Variants in SLC37A1 observed in about 807,000 individuals in gnomAD.
SLC37A1 encodes solute carrier family 37 member 1, also known as glucose-6-phosphate exchanger SLC37A1.
SLC37A1 carries 49 observed loss-of-function variants against 75.3 expected under a neutral mutation model. The ratio of observed to expected loss-of-function variants is 0.65; its 90% confidence interval spans 0.52 to 0.83. The LOEUF (loss-of-function observed/expected upper bound fraction) is 0.83. SLC37A1 is among the 40% of genes least tolerant of loss of function. The probability of loss-of-function intolerance (pLI) is 0.00; values close to 1 mark genes in which losing one functional copy is unlikely to be tolerated. For missense variants in SLC37A1, 566 were observed against 695.0 expected (o/e 0.81, Z 2.09); for synonymous variants, 268 against 292.1 (o/e 0.92, Z 0.84).
intron 2 of SLC37A1, among the ~76,000 whole-genome samples, chr21:42,507,554 A>C (rs1380802769): frequency 3.9e-5 from 6 of 152,220 alleles, no homozygotes; most frequent in African/African-American, 1.4e-4. Flanking sequence ...TTGGGTTGCT[A>C]TAAAGGAATC....
At chr21:42,521,692 G>A (rs1187632939) in intron 2 of SLC37A1, among the ~76,000 whole-genome samples, 1 of 152,238 alleles carries the variant, frequency 6.6e-6, no homozygotes, top group African/African-American at 2.4e-5. Context: ...TTTCATATTG[G>A]TGGAAGCCAA....
In SLC37A1 at chr21:42,524,533, G is replaced by A. The variant is rs1169109966; in HGVS notation, c.57-1243G>A. Among the ~76,000 whole-genome samples, 3 of 152,194 alleles carry A rather than the reference G, an allele frequency of 2.0e-5. No homozygotes were observed. The East Asian group carries it at 5.8e-4, about 29-fold the overall frequency. On this transcript the variant is annotated intron_variant, in intron 2 of 19. Transcript: ENST00000352133. ...AGGGCCGTGAAATATTTATATGTCT[G>A]CCTTGCTTGTGTGCTTCTGAAAAGT...
intron 18 of SLC37A1, among the ~76,000 whole-genome samples, chr21:42,578,387 T>C (rs1327775204): frequency 6.6e-6 from 1 of 152,254 alleles, no homozygotes; most frequent in Admixed American, 6.5e-5. Flanking sequence ...TTACAGTTCA[T>C]CCCGTACCCA....
intron 5 of SLC37A1, 28 bp downstream of exon 5, chr21:42,535,578 T>C (rs755619103): frequency 1.3e-6 from 2 of 1,597,940 alleles, no homozygotes; most frequent in East Asian, 4.5e-5. Context: ...TTCCAGACCC[T>C]TCCTGGTTAC....
At chr21:42,557,727 A>T (rs2055727296) in intron 10 of SLC37A1, among the ~76,000 whole-genome samples, 1 of 152,068 alleles carries the variant, frequency 6.6e-6, no homozygotes, top group South Asian at 2.1e-4. Context: ...ACTGGAAGAG[A>T]ATTCTAAATA....
At chr21:42,546,437 G>A (rs1038160588) in intron 8 of SLC37A1, among the ~76,000 whole-genome samples, 1 of 151,982 alleles carries the variant, frequency 6.6e-6, no homozygotes, top group Non-Finnish European at 1.5e-5. Flanking sequence ...TTCCAGCCTC[G>A]CTCCCCTGAT....
At chr21:42,500,571 T>C (rs560225879) in intron 1 of SLC37A1, among the ~76,000 whole-genome samples, 23 of 152,354 alleles carry the variant, frequency 1.5e-4, no homozygotes, top group Admixed American at 1.2e-3. Flanking sequence ...AAGCACCTTT[T>C]GTCTATCAGT....
At chr21:42,530,853 C>T (rs937144472) in intron 3 of SLC37A1, among the ~76,000 whole-genome samples, 6 of 152,160 alleles carry the variant, frequency 3.9e-5, no homozygotes, top group Non-Finnish European at 7.3e-5. Flanking sequence ...TGTCGCGTGG[C>T]TGTAGTCTTA....
intron 17 of SLC37A1, among the ~76,000 whole-genome samples, chr21:42,569,432 C>T (rs1030707192): frequency 7.9e-5 from 12 of 152,234 alleles, no homozygotes; most frequent in African/African-American, 1.4e-4. Context: ...GGCCCCCGTG[C>T]GGGCTCTTTG....
At chr21:42,569,502 CGTGCCG>C (rs2056069546) in intron 17 of SLC37A1, among the ~76,000 whole-genome samples, 1 of 18,536 alleles carries the variant, frequency 5.4e-5, no homozygotes, top group South Asian at 1.2e-3. Context: ...CGCACTCCCT[CGTGCCG>C]CACTCCCTCG....
At chr21:42,506,312 A>G (rs907819477) in intron 2 of SLC37A1, among the ~76,000 whole-genome samples, 1 of 152,258 alleles carries the variant, frequency 6.6e-6, no homozygotes. Context: ...AGGGAATCAA[A>G]CTTCATTTTT....
In SLC37A1 at chr21:42,547,465, A is replaced by G; in HGVS notation, c.768+325A>G. The G allele has an allele frequency of 3.4e-6, 1 of 292,634 alleles. No individual in the cohort carries two copies. The allele number at this position is 292,634 out of a possible 1,614,324, so 18.1% of individuals were successfully genotyped here. On this transcript the variant is annotated intron_variant, in intron 9 of 19. Coordinates refer to ENST00000352133, the MANE Select transcript of SLC37A1 (RefSeq NM_001320537.2). This position sits in a 1 kb window ranked among gnomAD's most constrained non-coding sequence, Gnocchi z 6.1. ...CCCCAGGGGCCTCAGTGTGACGGGG[A>G]AAAACGCACGTGTCAGCTGCCTGCC...
intron 19 of SLC37A1, 77 bp from the exon 20 acceptor site, chr21:42,580,268 T>C (rs770488329): frequency 3.2e-5 from 49 of 1,536,676 alleles, no homozygotes; most frequent in Non-Finnish European, 4.3e-5. Context: ...GATTTGCACA[T>C]GGTGTGTGAA....
chr21:42,563,082 C>T (rs2055874892), intron 12 of SLC37A1, among the ~76,000 whole-genome samples: 1 of 152,090 alleles, frequency 6.6e-6, no homozygotes, highest in African/African-American at 2.4e-5. Context: ...GCCCCAAGGG[C>T]CAGTGACTGG....
intron 13 of SLC37A1, among the ~76,000 whole-genome samples, 194 bp downstream of exon 13, chr21:42,564,071 C>T (rs2055907376): frequency 6.6e-6 from 1 of 152,062 alleles, no homozygotes; most frequent in African/African-American, 2.4e-5. Flanking sequence ...CCTGACTCTG[C>T]ACTTGAACAG....
At chr21:42,551,828 GTTTTGT>G (rs1009862803) in intron 9 of SLC37A1, among the ~76,000 whole-genome samples, 8 of 136,692 alleles carry the variant, frequency 5.9e-5, no homozygotes, top group African/African-American at 2.7e-4. Flanking sequence ...GTTTTGTTTT[GTTTTGT>G]TTTTTTGGTT....
chr21:42,513,884 G>A lies in SLC37A1; in HGVS notation c.-1012G>A, dbSNP rs955650260. The A allele has an allele frequency of 1.4e-5, 2 of 146,716 alleles. No individual in the cohort carries two copies. Among genetic ancestry groups the A allele is most frequent in the African/African-American group, 4.9e-5 (2 of 40,816 alleles). The allele number at this position is 146,716 out of a possible 1,614,324, so 9.1% of individuals were successfully genotyped here. On this transcript the variant is annotated 5_prime_UTR_variant, in exon 1 of 20. Coordinates refer to ENST00000352133, the MANE Select transcript of SLC37A1 (RefSeq NM_001320537.2). ...CGAGCAGGAAGCGCCCGCGGCGGCC[G>A]GGCCGGGCTGGGCTGCGGAGCGCGG...
intron 2 of SLC37A1, among the ~76,000 whole-genome samples, chr21:42,521,945 A>G (rs1221725004): frequency 6.6e-6 from 1 of 152,226 alleles, no homozygotes; most frequent in Non-Finnish European, 1.5e-5. Flanking sequence ...CCAAAGTCAA[A>G]GTGTCAGCAG....
At chr21:42,557,477 A>C (rs544567035) in intron 10 of SLC37A1, among the ~76,000 whole-genome samples, 1 of 152,398 alleles carries the variant, frequency 6.6e-6, no homozygotes, top group African/African-American at 2.4e-5. Flanking sequence ...TGGGATTATC[A>C]TCGGGAGCAT....
Sources: gnomAD v4.1 joint callset for allele counts (sites outside exome capture counted in the v4.1 genomes callset) on GRCh38, gnomAD v4.1.1 for gene constraint, Gnocchi (gnomAD v3.1) non-coding constraint, MANE v1.5 for transcripts, NCBI Gene and HGNC (gene_info 2026-07-23, HGNC 2026-07-21) for gene names.